SIPA1L3: variants seen among roughly 807,000 people sequenced by gnomAD.
SIPA1L3 encodes the protein signal induced proliferation associated 1 like 3.
SIPA1L3 carries 59 observed loss-of-function variants against 150.1 expected under a neutral mutation model. The ratio of observed to expected loss-of-function variants is 0.39; its 90% CI spans 0.32 to 0.49. The LOEUF (loss-of-function observed/expected upper bound fraction) is 0.49. Among genes scored for constraint, SIPA1L3 ranks in the 20% least tolerant of loss-of-function variants. The pLI, the probability that SIPA1L3 is intolerant of heterozygous loss-of-function variation, is 0.86. For synonymous variants in SIPA1L3, 1,070 were observed against 1,077.6 expected (o/e 0.99, Z 0.14); for missense variants, 2,211 against 2,489.5 (o/e 0.89, Z 2.38).
chr19:38,039,504 G>A (rs1341391188), intron 2 of SIPA1L3, among the ~76,000 whole-genome samples: 1 of 151,796 alleles, frequency 6.6e-6, no homozygotes, highest in African/African-American at 2.4e-5. Flanking sequence ...GACCAGCCTG[G>A]CCAGCATGGT....
At chr19:38,113,126 G>T (rs142776949) in intron 8 of SIPA1L3, among the ~76,000 whole-genome samples, 3 of 151,732 alleles carry the variant, frequency 2.0e-5, no homozygotes, top group African/African-American at 4.8e-5. Flanking sequence ...CAAGAGAATC[G>T]CTTGAACCCA....
At chr19:37,966,888 C>T (rs1048977784) in intron 1 of SIPA1L3, among the ~76,000 whole-genome samples, 1 of 152,186 alleles carries the variant, frequency 6.6e-6, no homozygotes, top group Admixed American at 6.6e-5. Context: ...GGAACACAGA[C>T]TTCTGGGGCG....
At chr19:38,113,577 C>T (rs1338912177) in intron 8 of SIPA1L3, among the ~76,000 whole-genome samples, 3 of 152,028 alleles carry the variant, frequency 2.0e-5, no homozygotes, top group Admixed American at 1.3e-4. Context: ...CCATTGCACT[C>T]CAGCCTGGGT....
intron 2 of SIPA1L3, among the ~76,000 whole-genome samples, chr19:38,031,659 G>A (rs927942763): frequency 2.0e-5 from 3 of 152,192 alleles, no homozygotes; most frequent in Non-Finnish European, 2.9e-5. Flanking sequence ...TTAAGTTGCT[G>A]TGTGCCAGAT....
intron 10 of SIPA1L3, among the ~76,000 whole-genome samples, chr19:38,139,549 G>A (rs763844784): frequency 2.6e-5 from 4 of 152,118 alleles, no homozygotes; most frequent in Non-Finnish European, 4.4e-5. Context: ...CTCACCTGGT[G>A]CCTGGTGAGA....
At chr19:38,099,024 C>T (rs1481276269) in intron 4 of SIPA1L3, among the ~76,000 whole-genome samples, 1 of 151,802 alleles carries the variant, frequency 6.6e-6, no homozygotes, top group Non-Finnish European at 1.5e-5. Flanking sequence ...TTCTTTTCTT[C>T]TCTTCTCTTC....
chr19:38,153,407 C>G (rs922888379), intron 13 of SIPA1L3, among the ~76,000 whole-genome samples: 1 of 152,088 alleles, frequency 6.6e-6, no homozygotes, highest in African/African-American at 2.4e-5. Flanking sequence ...GGGTGGCTCA[C>G]GCCTATAATC....
At chr19:38,070,384 C>A (rs559960607) in intron 2 of SIPA1L3, among the ~76,000 whole-genome samples, 1 of 152,104 alleles carries the variant, frequency 6.6e-6, no homozygotes, top group Non-Finnish European at 1.5e-5. Flanking sequence ...CATTTTATGA[C>A]CTTTACAATG....
At chr19:37,950,104 T>C (rs970290740) in intron 1 of SIPA1L3, among the ~76,000 whole-genome samples, 2 of 130,678 alleles carry the variant, frequency 1.5e-5, no homozygotes, top group African/African-American at 6.1e-5. Context: ...AAAAAAAGAG[T>C]GTGACCACAT....
In SIPA1L3 at chr19:38,106,571, G is replaced by A. The variant is rs776612848; in HGVS notation, c.2064G>A (p.Met688Ile). Residue 688 changes from methionine to isoleucine, a missense_variant, in exon 7 of 22, where the codon ATG (methionine) becomes ATA (isoleucine). Physicochemically the swap from Met to Ile is conservative, Grantham distance 10. Around this residue, in one of 5 missense-constraint regions of SIPA1L3, gnomAD observed 625 missense variants for 804.2 expected, o/e 0.78. Transcript: ENST00000222345. ...CGGGAACCCACTCCCTCTACACGAT[G>A]TACCAGGACTACGAGATCATGTTCC... is the stretch of plus-strand genomic sequence containing the variant. ...DSTGTHSLYT[M>I]YQDYEIMFHV... 69 of 1,613,868 alleles carry A rather than the reference G, an allele frequency of 4.3e-5. No individual in the cohort carries two copies. Among genetic ancestry groups the A allele is most frequent in the Non-Finnish European group, 5.3e-5 (63 of 1,179,868 alleles).
chr19:38,146,592 T>C (rs1014195691), intron 12 of SIPA1L3, among the ~76,000 whole-genome samples: 32 of 152,188 alleles, frequency 2.1e-4, no homozygotes, highest in African/African-American at 7.7e-4. Context: ...AGGAGTACAA[T>C]TGCTTACCGT....
chr19:37,978,852 A>G (rs1182855325), intron 1 of SIPA1L3, among the ~76,000 whole-genome samples: 2 of 151,924 alleles, frequency 1.3e-5, no homozygotes, highest in Non-Finnish European at 2.9e-5. Flanking sequence ...GCTCAGGGCT[A>G]CAGTCCCAGT....
At chr19:38,166,298 CA>C (rs776473185) in intron 15 of SIPA1L3, among the ~76,000 whole-genome samples, 4 of 149,912 alleles carry the variant, frequency 2.7e-5, no homozygotes, top group Admixed American at 2.0e-4. Context: ...TACTTAAATA[CA>C]AAAAAAAATT....
At chr19:38,050,245 C>T (rs1350415561) in intron 2 of SIPA1L3, among the ~76,000 whole-genome samples, 4 of 152,104 alleles carry the variant, frequency 2.6e-5, no homozygotes, top group Admixed American at 1.3e-4. Flanking sequence ...CACTTGACGT[C>T]GTGAGTTCGA....
In SIPA1L3 at chr19:38,082,239, T is replaced by G; in HGVS notation, c.674T>G (p.Phe225Cys). 1.2e-6 allele frequency: 2 copies of G among 1,601,434 alleles called. No homozygotes were observed. The highest frequency in any genetic ancestry group is 1.7e-6 in the Non-Finnish European group (2 of 1,179,726). ...AGCTTCTTCGACATCCTGAACGAGT[T>G]CCGCAGCGAGCAGCCCGACGCCCGA... is the stretch of plus-strand genomic sequence containing the variant. ...EQSFFDILNE[F>C]RSEQPDARGC... Residue 225 changes from phenylalanine to cysteine, a missense_variant, in exon 3 of 22, where the codon TTC (phenylalanine) becomes TGC (cysteine). Transcript: ENST00000222345.
chr19:38,179,212 C>T (rs1409339457), intron 15 of SIPA1L3, among the ~76,000 whole-genome samples: 3 of 152,196 alleles, frequency 2.0e-5, no homozygotes, highest in Non-Finnish European at 2.9e-5. Context: ...GAGGCCCAGG[C>T]GGGCAGATCA....
intron 12 of SIPA1L3, among the ~76,000 whole-genome samples, chr19:38,143,542 C>CTTTTTT (rs10669806): frequency 2.5e-5 from 2 of 79,976 alleles, no homozygotes; most frequent in Non-Finnish European, 4.4e-5. Flanking sequence ...CTTTCTGTGT[C>CTTTTTT]TTTTTTTTTT....
chr19:38,103,860 C>G (rs1970561793), intron 6 of SIPA1L3, among the ~76,000 whole-genome samples: 1 of 144,080 alleles, frequency 6.9e-6, no homozygotes, highest in South Asian at 2.2e-4. Flanking sequence ...CGAGATCGCA[C>G]CACCGCACTC....
At chr19:38,114,938 C>T (rs1029833868) in intron 8 of SIPA1L3, among the ~76,000 whole-genome samples, 1 of 152,328 alleles carries the variant, frequency 6.6e-6, no homozygotes, top group Non-Finnish European at 1.5e-5. Context: ...CAGTGGTCTC[C>T]GCAGATTGCC....
Sources: allele counts gnomAD v4.1 joint callset (sites outside exome capture counted in the v4.1 genomes callset), GRCh38; gene constraint gnomAD v4.1.1; regional missense constraint gnomAD v4.1.1; transcripts MANE v1.5; gene names NCBI Gene and HGNC (gene_info 2026-07-23, HGNC 2026-07-21).